The following VRK2 variants were observed in gnomAD, a reference collection of about 807,000 sequenced individuals.
VRK2 encodes VRK serine/threonine kinase 2, also known as serine/threonine-protein kinase VRK2.
Under a neutral mutation model 57.6 loss-of-function variants are expected in VRK2, and 60 were observed. That is an observed-to-expected ratio of 1.04 (90% confidence interval 0.85 to 1.29). The LOEUF is 1.29. VRK2 is among the 50% of genes most tolerant of loss of function. The probability of loss-of-function intolerance (pLI) is 0.00; values close to 1 mark genes in which losing one functional copy is unlikely to be tolerated. For synonymous variants in VRK2, 231 were observed against 199.2 expected, an observed-to-expected ratio of 1.16 and a Z score of -1.35; for missense variants, 705 against 588.1, an observed-to-expected ratio of 1.20 and a Z score of -2.06.
At chr2:58,016,739 G>A (rs898662102) in intron 1 of VRK2, among the ~76,000 whole-genome samples, 3 of 152,144 alleles carry the variant, frequency 2.0e-5, no homozygotes, top group African/African-American at 4.8e-5. Flanking sequence ...TATAGACAAC[G>A]TGTTTTCTAG....
chr2:58,129,954 G>C (rs1230304662), intron 8 of VRK2, among the ~76,000 whole-genome samples: 1 of 152,168 alleles, frequency 6.6e-6, no homozygotes, highest in African/African-American at 2.4e-5. Context: ...ATTGAAAAAT[G>C]TGATAATGTA....
At chr2:57,956,817 G>C (rs1671600655) in intron 1 of VRK2, among the ~76,000 whole-genome samples, 1 of 152,080 alleles carries the variant, frequency 6.6e-6, no homozygotes, top group South Asian at 2.1e-4. Flanking sequence ...TCACTAACTT[G>C]TTACTTCCTT....
At chr2:57,936,186 G>T (rs1289956741) in intron 1 of VRK2, among the ~76,000 whole-genome samples, 1 of 152,176 alleles carries the variant, frequency 6.6e-6, no homozygotes, top group Non-Finnish European at 1.5e-5. Flanking sequence ...TTGAGGCCAA[G>T]CCATGGGACC....
chr2:58,019,294 C>T (rs1347732691), intron 1 of VRK2, among the ~76,000 whole-genome samples: 2 of 152,140 alleles, frequency 1.3e-5, no homozygotes, highest in Non-Finnish European at 2.9e-5. Context: ...AGGGTAGTGC[C>T]TGCTTTAAGA....
In VRK2 at chr2:58,092,321, T is replaced by C. The variant is rs534908538; in HGVS notation, c.543+2598T>C. On this transcript the variant is annotated intron_variant, in intron 7 of 12. Coordinates refer to ENST00000340157, the MANE Select transcript of VRK2 (RefSeq NM_006296.7). ...TGTTTTCCTTCACTTAACATAATGCTTTTGAGATTTATCTTTGTAGGTCAT... is the reference window on the plus strand; with the variant it reads ...TGTTTTCCTTCACTTAACATAATGCCTTTGAGATTTATCTTTGTAGGTCAT... 1.1e-3 allele frequency among the ~76,000 whole-genome samples: 171 copies of C among 152,362 alleles called. 1 individual carries two copies. The highest frequency in any genetic ancestry group is 3.9e-3 in the African/African-American group (164 of 41,586).
chr2:58,062,512 G>T (rs1472640301), intron 2 of VRK2, among the ~76,000 whole-genome samples: 1 of 152,162 alleles, frequency 6.6e-6, no homozygotes, highest in East Asian at 1.9e-4. Flanking sequence ...ACACCAGTTA[G>T]CCCAATTGTG....
intron 3 of VRK2, 51 bp downstream of exon 3, chr2:58,084,189 T>C (rs1056467965): frequency 2.1e-5 from 32 of 1,542,264 alleles, no homozygotes; most frequent in Non-Finnish European, 2.7e-5. Flanking sequence ...CTTTTTCCTT[T>C]TCTGCTTTAA....
intron 1 of VRK2, among the ~76,000 whole-genome samples, chr2:57,933,303 C>CTTTTTCT (rs1292321644): frequency 1.3e-5 from 1 of 78,058 alleles, no homozygotes; most frequent in African/African-American, 7.0e-5. Context: ...TTATTTCTTT[C>CTTTTTCT]TTTTTCTTTT....
rs568877442 is a variant in VRK2, at chr2:57,998,531, G to A, written c.-438-27134G>A. Among the ~76,000 whole-genome samples the A allele has an allele frequency of 4.6e-5, 7 of 152,114 alleles. No homozygotes were observed. The South Asian group carries it at 1.5e-3, about 32-fold the overall frequency. Reference sequence around the variant, plus strand: ...ATGGAAAACAGCCTAAAACATATAGGTTATCTCTAGGGCACATTTCTTTAA... The same window carrying A: ...ATGGAAAACAGCCTAAAACATATAGATTATCTCTAGGGCACATTTCTTTAA... On this transcript the variant is annotated intron_variant, in intron 1 of 15. Transcript: ENST00000417641.
At chr2:58,153,024 A>T (rs1683291082) in intron 12 of VRK2, among the ~76,000 whole-genome samples, 1 of 151,956 alleles carries the variant, frequency 6.6e-6, no homozygotes, top group Non-Finnish European at 1.5e-5. Flanking sequence ...GACCTGTTCC[A>T]TGACCACGTA....
Position 58,136,967 on chromosome 2 carries a change from CAT to C in VRK2, c.856+1773_856+1774del, listed in dbSNP as rs201595853. On this transcript the variant is annotated intron_variant, in intron 10 of 12. Coordinates refer to ENST00000340157, the MANE Select transcript of VRK2 (RefSeq NM_006296.7). ...ATATATCATATATGTGTATATATAT[CAT>C]ATATTATATATCATATATATGTGTA... is the stretch of plus-strand genomic sequence containing the variant. 3.3e-4 allele frequency among the ~76,000 whole-genome samples: 40 copies of C among 122,536 alleles called. 1 individual carries two copies. Among genetic ancestry groups the C allele is most frequent in the East Asian group, 2.4e-3 (11 of 4,574 alleles). The allele number at this position is 122,536 out of a possible 152,430, so 80.4% of individuals were successfully genotyped here.
intron 1 of VRK2, among the ~76,000 whole-genome samples, chr2:58,025,013 T>C (rs1438719421): frequency 6.6e-6 from 1 of 152,228 alleles, no homozygotes; most frequent in African/African-American, 2.4e-5. Context: ...ATAAGGCTTC[T>C]CTTGTGGGCA....
chr2:58,154,363 A>G (rs2104705683), intron 12 of VRK2, among the ~76,000 whole-genome samples: 1 of 151,572 alleles, frequency 6.6e-6, no homozygotes, highest in East Asian at 1.9e-4. Flanking sequence ...AATTGTATAT[A>G]TCATATCTAT....
upstream of VRK2, among the ~76,000 whole-genome samples, chr2:58,045,326 G>A (rs568354640): frequency 1.8e-3 from 269 of 152,268 alleles, 1 homozygote; most frequent in African/African-American, 6.0e-3. Context: ...CTGGATACAT[G>A]CCTGTAGGGA....
intron 7 of VRK2, among the ~76,000 whole-genome samples, chr2:58,099,164 C>CCA (rs1673586147): frequency 6.6e-6 from 1 of 152,000 alleles, no homozygotes; most frequent in Non-Finnish European, 1.5e-5. Context: ...CTCCCAGTGT[C>CCA]ACTTGGAGGA....
At chr2:58,019,516 T>G (rs1485751943) in intron 1 of VRK2, among the ~76,000 whole-genome samples, 2 of 152,212 alleles carry the variant, frequency 1.3e-5, no homozygotes, top group African/African-American at 4.8e-5. Context: ...ATAGTAAGTA[T>G]GTAACTTGAT....
intron 5 of VRK2, among the ~76,000 whole-genome samples, chr2:58,087,752 G>C (rs1433876157): frequency 6.6e-6 from 1 of 152,168 alleles, no homozygotes; most frequent in Non-Finnish European, 1.5e-5. Context: ...ACTTTGAGAG[G>C]CTAAGGCAGG....
At chr2:57,976,261 T>C (rs1321432472) in intron 1 of VRK2, among the ~76,000 whole-genome samples, 5 of 152,162 alleles carry the variant, frequency 3.3e-5, no homozygotes, top group African/African-American at 9.6e-5. Context: ...TTACATTCCT[T>C]TGAGCATATA....
intron 12 of VRK2, among the ~76,000 whole-genome samples, chr2:58,150,339 A>G (rs1338715590): frequency 1.3e-5 from 2 of 151,100 alleles, no homozygotes; most frequent in Admixed American, 1.3e-4. Flanking sequence ...TTATATTTGT[A>G]TTTTTCAAAG....
Sources: allele counts gnomAD v4.1 joint callset (sites outside exome capture counted in the v4.1 genomes callset), GRCh38; gene constraint gnomAD v4.1.1; transcripts MANE v1.5; gene names NCBI Gene and HGNC (gene_info 2026-07-23, HGNC 2026-07-21).